C3orf52: variants seen among roughly 807,000 people sequenced by gnomAD.
C3orf52 encodes the protein chromosome 3 open reading frame 52.
In C3orf52, 22 loss-of-function variants were observed where a neutral mutation model predicts 24.8. The ratio of observed to expected loss-of-function variants is 0.89; its 90% CI spans 0.63 to 1.27. The LOEUF (loss-of-function observed/expected upper bound fraction) is 1.27, where lower values mean the gene tolerates loss of function less well. C3orf52 is among the 50% of genes most tolerant of loss of function. The pLI is 0.00. For synonymous variants in C3orf52, 93 were observed against 100.2 expected, an observed-to-expected ratio of 0.93 and a Z score of 0.43; for missense variants, 265 against 260.7, an observed-to-expected ratio of 1.02 and a Z score of -0.11.
At chr3:112,108,392 TG>T (rs1171560513) in intron 3 of C3orf52, among the ~76,000 whole-genome samples, 1 of 152,158 alleles carries the variant, frequency 6.6e-6, no homozygotes, top group Admixed American at 6.5e-5. Context: ...TATACATTGC[TG>T]GGAGGGGTGG....
downstream of C3orf52, chr3:112,121,160 C>A (rs2074190419): frequency 6.6e-6 from 1 of 152,130 alleles, no homozygotes; most frequent in African/African-American, 2.4e-5. Context: ...CTGTTTGGGA[C>A]AGATAATGCT....
At chr3:112,113,356 A>T (rs2074104636) in intron 5 of C3orf52, among the ~76,000 whole-genome samples, 1 of 152,174 alleles carries the variant, frequency 6.6e-6, no homozygotes, top group Non-Finnish European at 1.5e-5. Context: ...CTCCATAATT[A>T]GACAGTGTAG....
intron 1 of C3orf52, among the ~76,000 whole-genome samples, 186 bp downstream of exon 1, chr3:112,086,731 C>T (rs1268817576): frequency 2.6e-5 from 4 of 152,144 alleles, no homozygotes; most frequent in Non-Finnish European, 5.9e-5. Flanking sequence ...CCGAGCAGTC[C>T]CCTCCCCAGC....
chr3:112,116,309 C>T (rs975300153), intron 5 of C3orf52, among the ~76,000 whole-genome samples: 7 of 152,212 alleles, frequency 4.6e-5, no homozygotes, highest in South Asian at 4.1e-4. Context: ...GTTTTAAAAA[C>T]GGAAATTTTA....
chr3:112,086,994 A>C (rs2073835518), intron 1 of C3orf52, among the ~76,000 whole-genome samples: 1 of 150,814 alleles, frequency 6.6e-6, no homozygotes, highest in Non-Finnish European at 1.5e-5. Context: ...CCTCCCCTCC[A>C]CCCACCTCGC....
intron 4 of C3orf52, chr3:112,112,603 G>A (rs1045854306): frequency 3.7e-6 from 1 of 268,412 alleles, no homozygotes; most frequent in Non-Finnish European, 7.4e-6. Context: ...AGGCTTCCCT[G>A]GCTTGCCTTA....
downstream of C3orf52, chr3:112,129,235 T>C (rs949833814): frequency 1.3e-5 from 2 of 152,036 alleles, no homozygotes; most frequent in Admixed American, 1.3e-4. Flanking sequence ...TGAGGAGAAA[T>C]GAATGAGATA....
intron 2 of C3orf52, among the ~76,000 whole-genome samples, chr3:112,093,995 T>C (rs2073903292): frequency 2.0e-5 from 3 of 150,736 alleles, no homozygotes; most frequent in Admixed American, 2.0e-4. Context: ...CTTATTGTAT[T>C]TATTTATTTT....
downstream of C3orf52, chr3:112,133,377 A>G: frequency 2.3e-6 from 1 of 432,114 alleles, no homozygotes; most frequent in East Asian, 4.1e-5. Context: ...ACCAGCAACT[A>G]CCCGTCAATG....
At chr3:112,125,109 A>G (rs1271180986) in intron 4 of C3orf52, 2 of 739,058 alleles carry the variant, frequency 2.7e-6, no homozygotes, top group African/African-American at 1.7e-5. Context: ...ACTGACATCT[A>G]AAGTCTTTCT....
rs373126449 is a variant in C3orf52, at chr3:112,112,854, G to A, written c.468-110G>A. 9 of 833,012 alleles carry A rather than the reference G, an allele frequency of 1.1e-5. No homozygotes were observed. In the African/African-American group the frequency reaches 1.5e-4, roughly 14 times the overall value. The allele number at this position is 833,012 out of a possible 1,614,324, so 51.6% of individuals were successfully genotyped here. On this transcript the variant is annotated intron_variant, in intron 4 of 5. Coordinates refer to ENST00000264848, the MANE Select transcript of C3orf52 (RefSeq NM_024616.3). ...AGGACAGAACATTCTTTGCTATTTT[G>A]TACTGGAAGAACATGCAAAACTAAA...
At chr3:112,104,707 G>A (rs2074008004) in intron 3 of C3orf52, among the ~76,000 whole-genome samples, 2 of 151,914 alleles carry the variant, frequency 1.3e-5, no homozygotes, top group Non-Finnish European at 2.9e-5. Context: ...AAGTTCTTTG[G>A]TGGTGATTTC....
At chr3:112,127,801 C>G (rs1003058510) in intron 4 of C3orf52, among the ~76,000 whole-genome samples, 6 of 152,166 alleles carry the variant, frequency 3.9e-5, no homozygotes, top group African/African-American at 1.4e-4. Flanking sequence ...GCTTCTGAGG[C>G]TTTCCTGTTT....
chr3:112,123,920 G>A, intron 4 of C3orf52: 1 of 753,520 alleles, frequency 1.3e-6, no homozygotes, highest in Non-Finnish European at 2.1e-6. Context: ...CTAAATGGCT[G>A]CTTCTACCCC....
At chr3:112,115,333 A>C (rs956854209) in intron 5 of C3orf52, among the ~76,000 whole-genome samples, 1 of 152,122 alleles carries the variant, frequency 6.6e-6, no homozygotes, top group African/African-American at 2.4e-5. Flanking sequence ...CTCTAGAGAA[A>C]GGGAAAATGT....
intron 5 of C3orf52, among the ~76,000 whole-genome samples, chr3:112,113,545 G>A (rs2074107201): frequency 6.6e-6 from 1 of 152,178 alleles, no homozygotes; most frequent in African/African-American, 2.4e-5. Context: ...GGAAATAAAT[G>A]ATACAGCTAA....
downstream of C3orf52, chr3:112,133,224 C>G: frequency 8.1e-7 from 1 of 1,234,816 alleles, no homozygotes; most frequent in Non-Finnish European, 1.2e-6. Flanking sequence ...CTGTGTGGCT[C>G]TGGCCACCCG....
chr3:112,099,693 C>T (rs964854167), intron 2 of C3orf52, among the ~76,000 whole-genome samples: 19 of 152,164 alleles, frequency 1.2e-4, no homozygotes, highest in Non-Finnish European at 2.8e-4. Context: ...AGAATGTTTG[C>T]ACGTCATACT....
At chr3:112,111,006 T>G (rs2074075605) in intron 4 of C3orf52, among the ~76,000 whole-genome samples, 1 of 152,142 alleles carries the variant, frequency 6.6e-6, no homozygotes, top group Admixed American at 6.6e-5. Flanking sequence ...GTCAGGAGAT[T>G]GAGACCATCC....
Sources: gnomAD v4.1 joint callset for allele counts (sites outside exome capture counted in the v4.1 genomes callset) on GRCh38, gnomAD v4.1.1 for gene constraint, MANE v1.5 for transcripts, NCBI Gene and HGNC (gene_info 2026-07-23, HGNC 2026-07-21) for gene names.